Variants in PTPRD observed in about 807,000 individuals in gnomAD.
PTPRD encodes the protein receptor-type tyrosine-protein phosphatase delta.
In PTPRD, 34 loss-of-function variants were observed where a neutral mutation model predicts 214.5. The ratio of observed to expected loss-of-function variants is 0.16; its 90% CI spans 0.12 to 0.21. The LOEUF (loss-of-function observed/expected upper bound fraction) is 0.21, where lower values mean the gene tolerates loss of function less well. PTPRD is among the 10% of genes least tolerant of loss of function. The pLI, the probability that PTPRD is intolerant of heterozygous loss-of-function variation, is 1.00. For synonymous variants in PTPRD, 1,128 were observed against 845.7 expected (o/e 1.33, Z -5.79); for missense variants, 2,545 against 2,398.7 (o/e 1.06, Z -1.27).
intron 37 of PTPRD, among the ~76,000 whole-genome samples, chr9:8,381,366 A>G (rs1346095840): frequency 6.6e-6 from 1 of 152,192 alleles, no homozygotes; most frequent in Non-Finnish European, 1.5e-5. Context: ...TACAGGTTAT[A>G]GTAACTATTC....
At chr9:10,139,514 GA>G (rs1051404921) in intron 3 of PTPRD, among the ~76,000 whole-genome samples, 2 of 149,708 alleles carry the variant, frequency 1.3e-5, no homozygotes, top group East Asian at 2.0e-4. Flanking sequence ...CACAGAATTT[GA>G]AAAAAAAAGC....
chr9:10,444,342 G>A (rs187619735), intron 2 of PTPRD, among the ~76,000 whole-genome samples: 1 of 151,722 alleles, frequency 6.6e-6, no homozygotes, highest in African/African-American at 2.4e-5. Flanking sequence ...GAAGAATACG[G>A]CCTATTTGAA....
intron 7 of PTPRD, among the ~76,000 whole-genome samples, chr9:9,655,872 G>A (rs962563840): frequency 6.6e-6 from 1 of 152,160 alleles, no homozygotes; most frequent in Non-Finnish European, 1.5e-5. Context: ...GAGATACTCA[G>A]GAGACTGAGG....
At chr9:9,263,831 G>GA (rs2099981214) in intron 9 of PTPRD, among the ~76,000 whole-genome samples, 1 of 151,764 alleles carries the variant, frequency 6.6e-6, no homozygotes, top group Admixed American at 6.6e-5. Context: ...GATGTGGGTT[G>GA]AAAAACTACC....
intron 2 of PTPRD, among the ~76,000 whole-genome samples, chr9:10,487,780 T>C (rs1055244985): frequency 1.3e-5 from 2 of 151,636 alleles, no homozygotes; most frequent in Admixed American, 6.6e-5. Flanking sequence ...TGTATACCTA[T>C]GTATGTAACA....
chr9:10,158,376 T>G (rs2099106844), intron 3 of PTPRD, among the ~76,000 whole-genome samples: 1 of 152,186 alleles, frequency 6.6e-6, no homozygotes, highest in African/African-American at 2.4e-5. Context: ...TGTTTAATTT[T>G]TAAACATTTA....
At chr9:10,612,366 A>C (rs2081273620) in intron 2 of PTPRD, 32 bp downstream of exon 2, 1 of 151,062 alleles carries the variant, frequency 6.6e-6, no homozygotes. Context: ...TTCACTTTAG[A>C]GAAAAGAAAG....
chr9:9,309,247 C>G (rs1275549083), intron 9 of PTPRD, among the ~76,000 whole-genome samples: 1 of 150,922 alleles, frequency 6.6e-6, no homozygotes, highest in Non-Finnish European at 1.5e-5. Flanking sequence ...TCTTTGCTCT[C>G]CCCTATCTCA....
chr9:9,620,877 A>G (rs932464851), intron 7 of PTPRD, among the ~76,000 whole-genome samples: 1 of 152,164 alleles, frequency 6.6e-6, no homozygotes, highest in African/African-American at 2.4e-5. Flanking sequence ...AAAAAAAAAA[A>G]AAAGAGCAAA....
intron 11 of PTPRD, among the ~76,000 whole-genome samples, chr9:8,791,388 G>A (rs137951782): frequency 4.6e-5 from 7 of 151,832 alleles, no homozygotes; most frequent in South Asian, 2.1e-4. Context: ...ATCACACCCA[G>A]CTAATTTTTG....
intron 3 of PTPRD, among the ~76,000 whole-genome samples, chr9:10,339,178 T>C (rs1006456772): frequency 2.0e-5 from 3 of 151,724 alleles, no homozygotes; most frequent in Admixed American, 6.6e-5. Flanking sequence ...AGGAGAGAAG[T>C]TGATATTGGT....
At chr9:10,426,842 C>T (rs2154519164) in intron 2 of PTPRD, among the ~76,000 whole-genome samples, 1 of 152,178 alleles carries the variant, frequency 6.6e-6, no homozygotes, top group Admixed American at 6.6e-5. Context: ...TTCCTCTGCT[C>T]TTGTGTCCAC....
At chr9:8,657,872 T>C (rs1480379003) in intron 12 of PTPRD, among the ~76,000 whole-genome samples, 3 of 152,224 alleles carry the variant, frequency 2.0e-5, no homozygotes. Flanking sequence ...ATCATAACAA[T>C]TTAGATTTCA....
chr9:10,270,739 A>G (rs2094370608), intron 3 of PTPRD, among the ~76,000 whole-genome samples: 1 of 152,242 alleles, frequency 6.6e-6, no homozygotes, highest in Non-Finnish European at 1.5e-5. Context: ...TCTTTCAAAT[A>G]TACAACTAGA....
Position 10,025,477 on chromosome 9 carries a change from T to C in PTPRD, c.-472+8241A>G, listed in dbSNP as rs376834209. ...TATGTGTAGATGTACATAACCATAA[T>C]ACAAACCATTAGACAGCCAGATTTA... On this transcript the variant is annotated intron_variant, in intron 4 of 45. Transcript: ENST00000381196. 4.8e-4 allele frequency among the ~76,000 whole-genome samples: 73 copies of C among 152,310 alleles called. No homozygotes were observed. The East Asian group carries it at 0.012, about 24-fold the overall frequency.
At chr9:10,168,208 A>G (rs2099171056) in intron 3 of PTPRD, among the ~76,000 whole-genome samples, 1 of 152,230 alleles carries the variant, frequency 6.6e-6, no homozygotes, top group Admixed American at 6.5e-5. Flanking sequence ...CTTACATAAT[A>G]ATGTAATAAA....
chr9:8,737,815 T>C (rs1424431392), intron 11 of PTPRD, among the ~76,000 whole-genome samples: 5 of 152,274 alleles, frequency 3.3e-5, no homozygotes, highest in Admixed American at 6.5e-5. Context: ...CACGCCTGGC[T>C]AATTTTTCTA....
At chr9:9,020,929 G>A (rs1320391937) in intron 10 of PTPRD, among the ~76,000 whole-genome samples, 2 of 152,102 alleles carry the variant, frequency 1.3e-5, no homozygotes, top group Non-Finnish European at 2.9e-5. Context: ...CTAGGGGCCA[G>A]AAGCTAATTT....
chr9:8,464,261 C>T (rs1300787236), intron 32 of PTPRD, among the ~76,000 whole-genome samples: 5 of 152,014 alleles, frequency 3.3e-5, no homozygotes, highest in African/African-American at 1.2e-4. Context: ...AAGAAATTTC[C>T]TCTCAAATAT....
Sources: gnomAD v4.1 joint callset for allele counts (sites outside exome capture counted in the v4.1 genomes callset) on GRCh38, gnomAD v4.1.1 for gene constraint, MANE v1.5 for transcripts, NCBI Gene and HGNC (gene_info 2026-07-23, HGNC 2026-07-21) for gene names.